The following ETV1 variants were observed in gnomAD, a reference collection of about 807,000 sequenced individuals.
The protein encoded by ETV1 is ETS variant transcription factor 1, also known as ETS translocation variant 1.
In ETV1, 27 loss-of-function variants were observed where a neutral mutation model predicts 62.3. The ratio of observed to expected loss-of-function variants is 0.43; its 90% confidence interval spans 0.32 to 0.60. The LOEUF is 0.60. Ranked by LOEUF, ETV1 falls within the 20% of genes least tolerant of loss-of-function variation. The probability of loss-of-function intolerance (pLI) is 0.06; values close to 1 mark genes in which losing one functional copy is unlikely to be tolerated. For synonymous variants in ETV1, 222 were observed against 199.6 expected (o/e 1.11, Z -0.94); for missense variants, 605 against 605.8 (o/e 1.00, Z 0.01).
intron 9 of ETV1, among the ~76,000 whole-genome samples, chr7:13,931,062 G>A (rs1786081497): frequency 6.6e-6 from 1 of 152,064 alleles, no homozygotes; most frequent in Non-Finnish European, 1.5e-5. Flanking sequence ...GATTACAGGC[G>A]TGATCCACTG....
At chr7:13,962,531 T>G (rs1485917839) in intron 6 of ETV1, among the ~76,000 whole-genome samples, 1 of 152,142 alleles carries the variant, frequency 6.6e-6, no homozygotes, top group Admixed American at 6.5e-5. Context: ...TTCAATTAAT[T>G]TCAGCACATT....
intron 3 of ETV1, chr7:13,988,722 T>G (rs1782795220): frequency 1.2e-6 from 2 of 1,612,838 alleles, no homozygotes; most frequent in East Asian, 4.5e-5. Flanking sequence ...CCAAAAACTT[T>G]GAGTGCAGCA....
intron 11 of ETV1, among the ~76,000 whole-genome samples, chr7:13,907,600 C>T (rs1783100543): frequency 6.6e-6 from 1 of 152,084 alleles, no homozygotes; most frequent in Non-Finnish European, 1.5e-5. Context: ...TCTCCAGCCA[C>T]ATGTCTCAAA....
chr7:13,960,841 G>C (rs1436592054), intron 6 of ETV1, among the ~76,000 whole-genome samples: 1 of 152,078 alleles, frequency 6.6e-6, no homozygotes, highest in Admixed American at 6.6e-5. Flanking sequence ...TTCCTTGGGG[G>C]CTGAAAATAT....
In ETV1 at chr7:13,939,669, A is replaced by G. The variant is rs75643062; in HGVS notation, c.236-423T>C. On this transcript the variant is annotated intron_variant, in intron 6 of 13. Coordinates refer to ENST00000430479, the MANE Select transcript of ETV1 (RefSeq NM_004956.5). ...GCATTATTGAAAGGAAAATATATCAACTGCATCAATAATAATAGTTTAATG... is the reference window on the plus strand; with the variant it reads ...GCATTATTGAAAGGAAAATATATCAGCTGCATCAATAATAATAGTTTAATG... 1.2e-4 allele frequency among the ~76,000 whole-genome samples: 19 copies of G among 152,352 alleles called. No homozygotes were observed. The East Asian group carries it at 3.7e-3, about 29-fold the overall frequency.
chr7:13,930,308 G>C (rs1230969329), intron 9 of ETV1, among the ~76,000 whole-genome samples: 1 of 152,020 alleles, frequency 6.6e-6, no homozygotes, highest in Admixed American at 6.6e-5. Context: ...GGCAAAGTTG[G>C]TGGTACTATT....
At chr7:13,973,973 T>C (rs1161080057) in intron 6 of ETV1, among the ~76,000 whole-genome samples, 1 of 152,180 alleles carries the variant, frequency 6.6e-6, no homozygotes, top group East Asian at 1.9e-4. Flanking sequence ...TTTTACTTAT[T>C]GTTCTCCTAT....
upstream of ETV1, chr7:13,990,486 T>C (rs1193767459): frequency 1.3e-5 from 2 of 152,334 alleles, no homozygotes; most frequent in African/African-American, 4.8e-5. Context: ...GTTGCTCGTA[T>C]ATCCTAGAAC....
chr7:13,950,649 T>C (rs1788689964), intron 6 of ETV1, among the ~76,000 whole-genome samples: 1 of 152,078 alleles, frequency 6.6e-6, no homozygotes, highest in Admixed American at 6.5e-5. Context: ...AACATCTTAA[T>C]AGAAGAGAAT....
intron 6 of ETV1, among the ~76,000 whole-genome samples, chr7:13,972,395 G>A (rs1780998874): frequency 6.6e-6 from 1 of 152,130 alleles, no homozygotes; most frequent in African/African-American, 2.4e-5. Context: ...TCATGCCACT[G>A]CACTCTAGCC....
Position 13,911,297 on chromosome 7 carries a change from G to T in ETV1, c.813C>A (p.Ser271Arg). ...CTTGCCTCATATAAATGGAGTGGCAGCTAGGCACTTCTGAAAGAGGAAACA... is the reference window on the plus strand; with the variant it reads ...CTTGCCTCATATAAATGGAGTGGCATCTAGGCACTTCTGAAAGAGGAAACA... ...RDFAYDSEVPSCHSIYMRQEG... is the reference protein window; with the variant it reads ...RDFAYDSEVPRCHSIYMRQEG... The change falls in exon 10 of 14, where the codon AGC becomes AGA. Residue 271 changes from serine (S) to arginine (R), a missense_variant. This residue lies in a region of ETV1 where 426 missense variants were observed against 377.8 expected (regional missense o/e 1.13). Coordinates refer to ENST00000430479, the MANE Select transcript of ETV1 (RefSeq NM_004956.5). 6.2e-7 allele frequency: 1 copy of T among 1,611,580 alleles called. No individual in the cohort carries two copies. The highest frequency in any genetic ancestry group is 1.1e-5 in the South Asian group (1 of 90,830).
chr7:13,916,756 C>T (rs1004911401), intron 9 of ETV1, among the ~76,000 whole-genome samples: 1 of 151,838 alleles, frequency 6.6e-6, no homozygotes, highest in African/African-American at 2.4e-5. Flanking sequence ...TGGTGAAACC[C>T]CATCTCTACC....
chr7:13,934,325 A>G (rs1347822100), intron 8 of ETV1, among the ~76,000 whole-genome samples: 6 of 152,240 alleles, frequency 3.9e-5, no homozygotes, highest in African/African-American at 1.4e-4. Context: ...TCACATTGTA[A>G]AGAACGCTTT....
chr7:13,981,518 TAC>T (rs745983585), intron 5 of ETV1, among the ~76,000 whole-genome samples: 3,180 of 135,024 alleles, frequency 0.024, 56 homozygotes, highest in Non-Finnish European at 0.033. Context: ...CATACATACA[TAC>T]ATACATACAT....
chr7:13,910,043 C>A (rs1368833244), intron 10 of ETV1, among the ~76,000 whole-genome samples: 2 of 151,940 alleles, frequency 1.3e-5, no homozygotes, highest in Non-Finnish European at 2.9e-5. Context: ...TTTTTAGATT[C>A]ATCTAAATTT....
At chr7:13,896,557 A>C (rs994135559) in intron 13 of ETV1, among the ~76,000 whole-genome samples, 2 of 152,104 alleles carry the variant, frequency 1.3e-5, no homozygotes, top group Non-Finnish European at 2.9e-5. Context: ...TAAAAGAAAA[A>C]TGTGCTTTAT....
intron 7 of ETV1, among the ~76,000 whole-genome samples, chr7:13,936,904 T>G (rs1011181507): frequency 6.6e-6 from 1 of 151,818 alleles, no homozygotes; most frequent in Non-Finnish European, 1.5e-5. Context: ...TAGCTGGGCG[T>G]GGTGATGCAT....
At chr7:13,972,812 G>A (rs1035323393) in intron 6 of ETV1, among the ~76,000 whole-genome samples, 1 of 152,086 alleles carries the variant, frequency 6.6e-6, no homozygotes, top group Non-Finnish European at 1.5e-5. Context: ...GTCTCATTAT[G>A]TTGCCCAGGC....
chr7:13,895,952 G>A lies in ETV1; in HGVS notation c.1348C>T (p.Leu450Phe). 6.2e-7 allele frequency: 1 copy of A among 1,613,720 alleles called. No homozygotes were observed. The highest frequency in any genetic ancestry group is 8.5e-7 in the Non-Finnish European group (1 of 1,179,800). ...GCCATGCTCTCATCAAAGTGAGAAA[G>A]AGGCACTGTGTCCTCCTCGTTGATG... Reference protein sequence around the residue: ...RHINEEDTVPLSHFDESMAYM... With the variant: ...RHINEEDTVPFSHFDESMAYM... The change falls in exon 14 of 14, where the codon CTT becomes TTT. Residue 450 changes from leucine (L) to phenylalanine (F), a missense_variant. By Grantham distance (22) the Leu-to-Phe change is conservative. Transcript: ENST00000430479.
Sources: allele counts gnomAD v4.1 joint callset (sites outside exome capture counted in the v4.1 genomes callset), GRCh38; gene constraint gnomAD v4.1.1; regional missense constraint gnomAD v4.1.1; transcripts MANE v1.5; gene names NCBI Gene and HGNC (gene_info 2026-07-23, HGNC 2026-07-21).